Variants in KLHL7 observed in about 807,000 individuals in gnomAD.
KLHL7 encodes kelch-like protein 7.
Under a neutral mutation model 67.4 loss-of-function variants are expected in KLHL7, and 44 were observed. That is an observed-to-expected ratio of 0.65 (90% confidence interval 0.51 to 0.84). KLHL7 has a LOEUF of 0.84. KLHL7 is among the 40% of genes least tolerant of loss of function. The pLI is 0.00. For synonymous variants in KLHL7, 252 were observed against 243.3 expected (o/e 1.04, Z -0.33); for missense variants, 362 against 718.1 (o/e 0.50, Z 5.67).
At chr7:23,168,307 T>C (rs1007251802) in intron 9 of KLHL7, among the ~76,000 whole-genome samples, 2 of 152,192 alleles carry the variant, frequency 1.3e-5, no homozygotes, top group Non-Finnish European at 2.9e-5. Context: ...ATCTGATTGA[T>C]TCGTCAACTC....
At chr7:23,155,760 G>A (rs931489545) in intron 7 of KLHL7, among the ~76,000 whole-genome samples, 7 of 152,178 alleles carry the variant, frequency 4.6e-5, no homozygotes, top group Non-Finnish European at 8.8e-5. Context: ...CATAACTATG[G>A]TGTTGATTTT....
chr7:23,128,013 C>T (rs1438110066), intron 4 of KLHL7, among the ~76,000 whole-genome samples: 1 of 151,520 alleles, frequency 6.6e-6, no homozygotes, highest in East Asian at 1.9e-4. Flanking sequence ...GCCTGCAGTC[C>T]AAGCTACTCC....
intron 7 of KLHL7, among the ~76,000 whole-genome samples, chr7:23,164,053 C>T (rs547070494): frequency 6.6e-6 from 1 of 152,272 alleles, no homozygotes; most frequent in Non-Finnish European, 1.5e-5. Flanking sequence ...AATAGCACTG[C>T]CTTCACCTGC....
chr7:23,153,192 C>A (rs1444365603), intron 7 of KLHL7, among the ~76,000 whole-genome samples: 1 of 146,396 alleles, frequency 6.8e-6, no homozygotes, highest in Non-Finnish European at 1.5e-5. Flanking sequence ...CACTTTCCTT[C>A]ATATTGTCCT....
chr7:23,164,906 G>C (rs560618889), intron 7 of KLHL7, among the ~76,000 whole-genome samples: 7 of 152,196 alleles, frequency 4.6e-5, no homozygotes, highest in Non-Finnish European at 1.0e-4. Context: ...TAGCAGGAAC[G>C]CTGTAGCTTC....
At chr7:23,162,891 T>G (rs1462408427) in intron 7 of KLHL7, among the ~76,000 whole-genome samples, 1 of 152,240 alleles carries the variant, frequency 6.6e-6, no homozygotes, top group Admixed American at 6.5e-5. Context: ...AATTTTGCTT[T>G]CTTTTTTCCC....
At chr7:23,134,241 T>C (rs1332087453) in intron 4 of KLHL7, among the ~76,000 whole-genome samples, 1 of 152,234 alleles carries the variant, frequency 6.6e-6, no homozygotes, top group African/African-American at 2.4e-5. Context: ...GTTGATACGC[T>C]GTATCACATT....
rs1340222829 is a variant in KLHL7, at chr7:23,143,792, A to G, written c.619-59A>G. 8.0e-6 allele frequency: 12 copies of G among 1,492,892 alleles called. No homozygotes were observed. The African/African-American group carries it at 1.1e-4, about 14-fold the overall frequency. 92.5% of individuals were successfully genotyped at this position (1,492,892 alleles called of 1,614,324 possible). On this transcript the variant is annotated intron_variant, in intron 5 of 10. Coordinates refer to ENST00000339077, the MANE Select transcript of KLHL7 (RefSeq NM_001031710.3). ...CTCCCTTCAATATGAGAGTAAACAT[A>G]GGTAATTGGAAATGTTGCTGTCTTC...
In KLHL7 at chr7:23,172,838, A is replaced by C. The variant is rs1289678337; in HGVS notation, c.1380-110A>C. 5 of 803,168 alleles carry C rather than the reference A, an allele frequency of 6.2e-6. No homozygotes were observed. In the East Asian group the frequency reaches 1.0e-4, roughly 17 times the overall value. 49.8% of individuals were successfully genotyped at this position (803,168 alleles called of 1,614,324 possible). Reference sequence around the variant, plus strand: ...CTAGACATTTTGTGCGTATATGTACACATATGTGAGTAGTAAATGAGCACT... The same window carrying C: ...CTAGACATTTTGTGCGTATATGTACCCATATGTGAGTAGTAAATGAGCACT... On this transcript the variant is annotated intron_variant, in intron 9 of 10. Coordinates refer to ENST00000339077, the MANE Select transcript of KLHL7 (RefSeq NM_001031710.3).
chr7:23,152,910 C>T (rs956542933), intron 7 of KLHL7, among the ~76,000 whole-genome samples: 6 of 152,124 alleles, frequency 3.9e-5, no homozygotes, highest in African/African-American at 1.4e-4. Context: ...AGAGCAAATA[C>T]CACATCCTAA....
chr7:23,152,478 A>G (rs1220214143), intron 7 of KLHL7, among the ~76,000 whole-genome samples: 15 of 144,966 alleles, frequency 1.0e-4, no homozygotes. Flanking sequence ...CCTTTATGTC[A>G]GCAGCTCCTT....
chr7:23,136,760 A>G (rs1783991554), intron 4 of KLHL7, among the ~76,000 whole-genome samples: 2 of 152,196 alleles, frequency 1.3e-5, no homozygotes, highest in South Asian at 4.1e-4. Flanking sequence ...TAGAAAATTA[A>G]TTTTTAGAGA....
chr7:23,125,792 A>G (rs1015781403), intron 4 of KLHL7: 9 of 1,537,046 alleles, frequency 5.9e-6, no homozygotes, highest in South Asian at 1.2e-5. Context: ...AGAGCCTTCC[A>G]GAGTGTGGTA....
chr7:23,171,138 C>A, intron 9 of KLHL7: 2 of 338,542 alleles, frequency 5.9e-6, no homozygotes, highest in Non-Finnish European at 1.2e-5. Context: ...ATCTCTTGAC[C>A]TTGTGATCTG....
In KLHL7 at chr7:23,169,275, T is replaced by TAA. The variant is rs112937096; in HGVS notation, c.1379+1244_1379+1245dup. Among the ~76,000 whole-genome samples, 346 of 151,904 alleles carry TAA rather than the reference T, an allele frequency of 2.3e-3. 2 individuals are homozygous for TAA. Among genetic ancestry groups the TAA allele is most frequent in the African/African-American group, 8.0e-3 (330 of 41,430 alleles). ...CTCCATCTCAAAAAAAAATAAAAAATAAAAAAATAAGAGCTTAATTATAAA... is the reference window on the plus strand; with the variant it reads ...CTCCATCTCAAAAAAAAATAAAAAATAAAAAAAAATAAGAGCTTAATTATAAA... On this transcript the variant is annotated intron_variant, in intron 9 of 10. Transcript: ENST00000339077.
intron 4 of KLHL7, 93 bp downstream of exon 4, chr7:23,125,265 A>T (rs764757834): frequency 7.6e-7 from 1 of 1,321,340 alleles, no homozygotes; most frequent in Non-Finnish European, 1.1e-6. Context: ...AAGTATCCGC[A>T]TTTAACCTTA....
intron 1 of KLHL7, chr7:23,118,076 T>A (rs1308807922): frequency 2.3e-6 from 3 of 1,325,854 alleles, no homozygotes; most frequent in Non-Finnish European, 3.2e-6. Flanking sequence ...CTAATCCTCA[T>A]ACAGTGCTTT....
rs1486705908 is a variant in KLHL7 at position 23,106,066 on chromosome 7, A to T, written c.40A>T (p.Thr14Ser). The T allele has an allele frequency of 3.1e-6, 5 of 1,609,672 alleles. No individual in the cohort carries two copies. The South Asian group carries it at 5.6e-5, about 18-fold the overall frequency. The change falls in exon 1 of 11, where the codon ACC becomes TCC. Residue 14 changes from threonine (T) to serine (S), a missense_variant. By Grantham distance (58) the Thr-to-Ser change is moderately conservative. Around this residue, in one of 5 missense-constraint regions of KLHL7, gnomAD observed 57 missense variants for 81.7 expected, o/e 0.70. Coordinates refer to ENST00000339077, the MANE Select transcript of KLHL7 (RefSeq NM_001031710.3). ...SGVEKSSKKK[T>S]EKKLAAREEA... The stretch of plus-strand genomic sequence containing the variant: ...GGTGGAGAAGAGCAGCAAGAAGAAG[A>T]CCGAGAAGAAACTTGCTGCTCGGGA...
chr7:23,158,826 G>T (rs764321703), intron 7 of KLHL7, among the ~76,000 whole-genome samples: 1 of 152,152 alleles, frequency 6.6e-6, no homozygotes, highest in Non-Finnish European at 1.5e-5. Context: ...CCTGATGTGT[G>T]ATAGACAATG....
Sources: allele counts gnomAD v4.1 joint callset (sites outside exome capture counted in the v4.1 genomes callset), GRCh38; gene constraint gnomAD v4.1.1; regional missense constraint gnomAD v4.1.1; transcripts MANE v1.5; gene names NCBI Gene and HGNC (gene_info 2026-07-23, HGNC 2026-07-21).